Variants in PTCSC3 observed in about 807,000 individuals in gnomAD.
PTCSC3 encodes the protein papillary thyroid carcinoma susceptibility candidate 3 (non-protein coding).
At chr14:36,148,405 G>T (rs375335699) in intron 3 of PTCSC3, among the ~76,000 whole-genome samples, 1 of 152,246 alleles carries the variant, frequency 6.6e-6, no homozygotes, top group East Asian at 1.9e-4. Context: ...CGCAGTATTC[G>T]GGTGGGAGTG....
intron 3 of PTCSC3, among the ~76,000 whole-genome samples, chr14:36,137,136 C>T (rs28712659): frequency 0.018 from 2,681 of 152,202 alleles, 85 homozygotes; most frequent in African/African-American, 0.062. Flanking sequence ...AAGAAGATAA[C>T]ATTTGAGCAG....
chr14:36,169,655 G>A (rs1882158228), intron 1 of PTCSC3, among the ~76,000 whole-genome samples: 1 of 152,108 alleles, frequency 6.6e-6, no homozygotes, highest in Admixed American at 6.6e-5. Context: ...GTGTTTAGGG[G>A]AACAATAAGC....
At chr14:36,159,225 T>G (rs1881899129) in intron 2 of PTCSC3, among the ~76,000 whole-genome samples, 1 of 21,412 alleles carries the variant, frequency 4.7e-5, no homozygotes, top group Non-Finnish European at 1.4e-4. Context: ...TTTGAAGGGT[T>G]TTTTTTGCGT....
rs114060507 is a variant in PTCSC3 at position 36,171,180 on chromosome 14, G to A, written n.171+5118C>T. ...CTTCTGTAGGTTAAGAATTTCCCAT[G>A]TTTGCATTTTTATTATTTCTTTTTA... On this transcript the variant is annotated intron_variant and non_coding_transcript_variant, in intron 1 of 3. Transcript: ENST00000556013. Among the ~76,000 whole-genome samples the A allele has an allele frequency of 1.4e-3, 207 of 152,198 alleles. 2 individuals are homozygous for A. Among genetic ancestry groups the A allele is most frequent in the African/African-American group, 4.9e-3 (203 of 41,546 alleles).
intron 3 of PTCSC3, among the ~76,000 whole-genome samples, chr14:36,148,652 C>A (rs1348028948): frequency 6.6e-6 from 1 of 152,202 alleles, no homozygotes; most frequent in African/African-American, 2.4e-5. Flanking sequence ...TAGCTGTAGA[C>A]CGGAGCTGTT....
At chr14:36,166,950 A>G (rs1882098959) in intron 1 of PTCSC3, among the ~76,000 whole-genome samples, 1 of 152,214 alleles carries the variant, frequency 6.6e-6, no homozygotes, top group Non-Finnish European at 1.5e-5. Flanking sequence ...TATAGCGACC[A>G]ACAAATCAGG....
chr14:36,176,413 A>C (rs548498575), exon 1 of PTCSC3: 1 of 151,884 alleles, frequency 6.6e-6, no homozygotes, highest in Non-Finnish European at 1.5e-5. Flanking sequence ...TCACAGGCAG[A>C]GTAGAAATGG....
intron 3 of PTCSC3, among the ~76,000 whole-genome samples, chr14:36,150,535 A>T (rs1014005226): frequency 6.6e-6 from 1 of 152,242 alleles, no homozygotes; most frequent in African/African-American, 2.4e-5. Context: ...AGGGACTGAC[A>T]TCTAAAGTGA....
intron 3 of PTCSC3, among the ~76,000 whole-genome samples, chr14:36,144,251 G>A (rs1197898435): frequency 1.4e-5 from 2 of 147,150 alleles, no homozygotes; most frequent in African/African-American, 5.0e-5. Flanking sequence ...ACCTTGGGCA[G>A]TATGGCCATT....
intron 1 of PTCSC3, among the ~76,000 whole-genome samples, chr14:36,172,467 A>G (rs1320568044): frequency 6.6e-6 from 1 of 152,148 alleles, no homozygotes; most frequent in Non-Finnish European, 1.5e-5. Context: ...GCATAAAAAT[A>G]TGTAAATAAC....
At chr14:36,159,004 T>G (rs1881889762) in intron 2 of PTCSC3, among the ~76,000 whole-genome samples, 1 of 152,050 alleles carries the variant, frequency 6.6e-6, no homozygotes, top group African/African-American at 2.4e-5. Flanking sequence ...GTCCAGGAAT[T>G]TATCCATTTC....
intron 1 of PTCSC3, among the ~76,000 whole-genome samples, chr14:36,163,953 AT>A (rs1376923146): frequency 6.6e-6 from 1 of 152,234 alleles, no homozygotes; most frequent in Non-Finnish European, 1.5e-5. Flanking sequence ...AGACAAATTC[AT>A]TTATAACAAC....
At chr14:36,154,457 C>A (rs919069378) in intron 2 of PTCSC3, among the ~76,000 whole-genome samples, 11 of 152,270 alleles carry the variant, frequency 7.2e-5, no homozygotes, top group Non-Finnish European at 1.6e-4. Flanking sequence ...GTGAGATTTT[C>A]ATTTTTGTGA....
At chr14:36,139,144 A>T (rs1327393288) in intron 3 of PTCSC3, among the ~76,000 whole-genome samples, 3 of 126,572 alleles carry the variant, frequency 2.4e-5, no homozygotes, top group African/African-American at 9.5e-5. Context: ...AAAAAAAGAA[A>T]TGCATATATG....
chr14:36,151,667 C>T (rs956837558), intron 3 of PTCSC3, among the ~76,000 whole-genome samples: 2 of 152,086 alleles, frequency 1.3e-5, no homozygotes, highest in African/African-American at 4.8e-5. Context: ...AAGTTCTTAG[C>T]CTTTTTCTCC....
At chr14:36,153,217 T>A (rs74768366) in intron 3 of PTCSC3, among the ~76,000 whole-genome samples, 2,908 of 152,298 alleles carry the variant, frequency 0.019, 108 homozygotes, top group Admixed American at 0.083. Flanking sequence ...ACCCCATTCA[T>A]GATGGTTCCA....
At chr14:36,151,874 C>T (rs1881731517) in intron 3 of PTCSC3, among the ~76,000 whole-genome samples, 1 of 152,172 alleles carries the variant, frequency 6.6e-6, no homozygotes, top group Non-Finnish European at 1.5e-5. Context: ...TTTTACCTGT[C>T]TTTGCTGGAA....
rs536557445 is a variant in PTCSC3, at chr14:36,150,697, T to A, written n.322+3107A>T. ...CCTTTCTTAGAAATCGATTAAAAAATTTTTAGGCCTTGACCTAGAGTTTTC... is the reference window on the plus strand; with the variant it reads ...CCTTTCTTAGAAATCGATTAAAAAAATTTTAGGCCTTGACCTAGAGTTTTC... On this transcript the variant is annotated intron_variant and non_coding_transcript_variant, in intron 3 of 3. Coordinates refer to ENST00000556013, the Ensembl canonical transcript of PTCSC3. Among the ~76,000 whole-genome samples, 259 of 152,294 alleles carry A rather than the reference T, an allele frequency of 1.7e-3. 1 individual carries two copies. The highest frequency in any genetic ancestry group is 6.0e-3 in the African/African-American group (248 of 41,582).
At chr14:36,146,771 A>G (rs974000791) in intron 3 of PTCSC3, among the ~76,000 whole-genome samples, 4 of 151,712 alleles carry the variant, frequency 2.6e-5, no homozygotes, top group African/African-American at 9.7e-5. Flanking sequence ...TGGTCTTTAC[A>G]TTTTGGCATG....
Sources: allele counts gnomAD v4.1 joint callset (sites outside exome capture counted in the v4.1 genomes callset), GRCh38; gene constraint gnomAD v4.1.1; transcripts MANE v1.5; gene names NCBI Gene and HGNC (gene_info 2026-07-23, HGNC 2026-07-21).